POLD3: variants seen among roughly 807,000 people sequenced by gnomAD.
POLD3 encodes the protein DNA polymerase delta subunit 3.
A neutral mutation model predicts 58.2 loss-of-function variants in POLD3; 19 were observed. The observed-to-expected ratio is 0.33, with a 90% CI of 0.23 to 0.48. POLD3 has a LOEUF of 0.48. Ranked by LOEUF, POLD3 falls within the 20% of genes least tolerant of loss-of-function variation. The pLI, the probability that POLD3 is intolerant of heterozygous loss-of-function variation, is 0.99. For synonymous variants in POLD3, 172 were observed against 193.5 expected, an observed-to-expected ratio of 0.89 and a Z score of 0.92; for missense variants, 504 against 545.5, an observed-to-expected ratio of 0.92 and a Z score of 0.76.
chr11:74,642,213 T>G lies in POLD3; in HGVS notation c.*1447T>G, dbSNP rs2032931558. 1 of 985,456 alleles carries G rather than the reference T, an allele frequency of 1.0e-6. No homozygotes were observed. The allele number at this position is 985,456 out of a possible 1,614,324, so 61.0% of individuals were successfully genotyped here. A position where few individuals can be genotyped will look rare whatever the true frequency, so the allele number is the denominator to read the frequency against. ...TTTAGCAACCAAGCATGAACTTGAT[T>G]AAGACCAGAAGTTTGGGAGATGAGT... On this transcript the variant is annotated 3_prime_UTR_variant, in exon 12 of 12. Coordinates refer to ENST00000263681, the MANE Select transcript of POLD3 (RefSeq NM_006591.3).
chr11:74,667,543 ATTTT>A (rs1565137668), intron 4 of POLD3, among the ~76,000 whole-genome samples: 12 of 152,104 alleles, frequency 7.9e-5, no homozygotes, highest in African/African-American at 2.7e-4. Context: ...AAAAAGGTAA[ATTTT>A]ATGTCATGAA....
At chr11:74,594,914 A>G (rs982435618) in intron 2 of POLD3, among the ~76,000 whole-genome samples, 3 of 152,164 alleles carry the variant, frequency 2.0e-5, no homozygotes, top group African/African-American at 7.2e-5. Context: ...AGTTATCTCC[A>G]CCTGGTCCGT....
At chr11:74,661,398 AGCTGTACTGCAT>A (rs2033204934) in intron 4 of POLD3, among the ~76,000 whole-genome samples, 1 of 152,086 alleles carries the variant, frequency 6.6e-6, no homozygotes, top group Admixed American at 6.5e-5. Context: ...TTGTAATCTG[AGCTGTACTGCAT>A]TAGGGGGAAC....
chr11:74,595,056 A>G (rs2031180797), intron 2 of POLD3: 4 of 152,350 alleles, frequency 2.6e-5, no homozygotes, highest in East Asian at 1.9e-4. Flanking sequence ...ACTATTTTTC[A>G]AAATGGCTGC....
At chr11:74,654,938 C>T (rs1041247215) in intron 4 of POLD3, among the ~76,000 whole-genome samples, 14 of 152,144 alleles carry the variant, frequency 9.2e-5, no homozygotes, top group African/African-American at 3.4e-4. Flanking sequence ...TAGTGAGCTT[C>T]GATAAGCTGC....
chr11:74,618,153 TC>T (rs1199861428), intron 5 of POLD3, among the ~76,000 whole-genome samples: 3 of 152,214 alleles, frequency 2.0e-5, no homozygotes, highest in Non-Finnish European at 4.4e-5. Context: ...CTATTTCATT[TC>T]CCAAGGATAA....
chr11:74,630,131 C>T (rs1591313103), intron 9 of POLD3, among the ~76,000 whole-genome samples: 1 of 151,844 alleles, frequency 6.6e-6, no homozygotes, highest in Admixed American at 6.6e-5. Context: ...GAGACAAACA[C>T]GAACAGATAC....
rs1015502445 is a variant in POLD3, at chr11:74,642,056, C to T, written c.*1290C>T. On this transcript the variant is annotated 3_prime_UTR_variant, in exon 12 of 12. Coordinates refer to ENST00000263681, the MANE Select transcript of POLD3 (RefSeq NM_006591.3). ...GGGTCAGGCTCAACTGCTGATGTGTCTCACACGTAGCAGACAAGGGGTGTC... is the reference window on the plus strand; with the variant it reads ...GGGTCAGGCTCAACTGCTGATGTGTTTCACACGTAGCAGACAAGGGGTGTC... 101 of 985,412 alleles carry T rather than the reference C, an allele frequency of 1.0e-4. No individual in the cohort carries two copies. The highest frequency in any genetic ancestry group is 1.2e-4 in the Non-Finnish European group (96 of 829,926). 61.0% of individuals were successfully genotyped at this position (985,412 alleles called of 1,614,324 possible).
intron 5 of POLD3, among the ~76,000 whole-genome samples, chr11:74,614,216 A>G (rs1235528221): frequency 6.6e-6 from 1 of 152,194 alleles, no homozygotes; most frequent in East Asian, 1.9e-4. Context: ...AAGCAGATGG[A>G]GTGAAATTAT....
Position 74,641,621 on chromosome 11 carries a change from A to C in POLD3, c.*855A>C. ...CCCACTCTCAATACCTAGAGAGTGAAACCCGTACAATGAGATAAAGACTAA... is the reference window on the plus strand; with the variant it reads ...CCCACTCTCAATACCTAGAGAGTGACACCCGTACAATGAGATAAAGACTAA... On this transcript the variant is annotated 3_prime_UTR_variant, in exon 12 of 12. Coordinates refer to ENST00000263681, the MANE Select transcript of POLD3 (RefSeq NM_006591.3). 2.0e-6 allele frequency: 2 copies of C among 985,326 alleles called. No homozygotes were observed. Among genetic ancestry groups the C allele is most frequent in the Non-Finnish European group, 2.4e-6 (2 of 829,888 alleles). The allele number at this position is 985,326 out of a possible 1,614,324, so 61.0% of individuals were successfully genotyped here.
intron 4 of POLD3, among the ~76,000 whole-genome samples, chr11:74,656,255 C>G (rs1565134587): frequency 6.6e-6 from 1 of 152,048 alleles, no homozygotes; most frequent in African/African-American, 2.4e-5. Flanking sequence ...TGCTGTATCC[C>G]ATAGGTTTTA....
chr11:74,625,669 C>T lies in POLD3; in HGVS notation c.899+96C>T, dbSNP rs796096599. ...ACAGCAGGCAGTTTTCAGTTAAGTACTAAATCCTACTTAATGCCTAAGGGA... is the reference window on the plus strand; with the variant it reads ...ACAGCAGGCAGTTTTCAGTTAAGTATTAAATCCTACTTAATGCCTAAGGGA... On this transcript the variant is annotated intron_variant, in intron 8 of 11. Coordinates refer to ENST00000263681, the MANE Select transcript of POLD3 (RefSeq NM_006591.3). 1.8e-5 allele frequency: 17 copies of T among 936,422 alleles called. No homozygotes were observed. In the African/African-American group the frequency reaches 2.8e-4, roughly 16 times the overall value. The allele number at this position is 936,422 out of a possible 1,614,324, so 58.0% of individuals were successfully genotyped here. A position where few individuals can be genotyped will look rare whatever the true frequency, so the allele number is the denominator to read the frequency against.
intron 11 of POLD3, 137 bp from the exon 12 acceptor site, chr11:74,640,427 G>A: frequency 9.8e-7 from 1 of 1,018,810 alleles, no homozygotes. Flanking sequence ...CTCCCAGTGG[G>A]AGAAAGATTG....
chr11:74,659,558 T>G (rs2033179969), intron 4 of POLD3, among the ~76,000 whole-genome samples: 1 of 152,200 alleles, frequency 6.6e-6, no homozygotes, highest in East Asian at 1.9e-4. Context: ...ACTGAATGCT[T>G]TTAACAGCAC....
chr11:74,607,546 G>A (rs1203336367), intron 3 of POLD3, among the ~76,000 whole-genome samples: 4 of 151,674 alleles, frequency 2.6e-5, no homozygotes, highest in Non-Finnish European at 5.9e-5. Flanking sequence ...GATTACAGGC[G>A]TGAGCCACCG....
At chr11:74,618,223 A>T (rs1182094557) in intron 5 of POLD3, among the ~76,000 whole-genome samples, 5 of 49,868 alleles carry the variant, frequency 1.0e-4, no homozygotes, top group Admixed American at 9.9e-4. Flanking sequence ...GAATTAGAAT[A>T]CTTTTATCAA....
intron 4 of POLD3, among the ~76,000 whole-genome samples, chr11:74,666,421 G>A (rs1244936974): frequency 1.3e-5 from 2 of 152,130 alleles, no homozygotes. Flanking sequence ...AGGAGTTCGA[G>A]ACCAGCCTGG....
intron 2 of POLD3, among the ~76,000 whole-genome samples, chr11:74,594,932 A>G (rs909655467): frequency 1.3e-5 from 2 of 152,212 alleles, no homozygotes; most frequent in Admixed American, 6.5e-5. Context: ...CGTCTTTGAC[A>G]TGTGGGGATT....
Position 74,650,455 on chromosome 11 carries a change from G to A in POLD3, c.369+14180G>A, listed in dbSNP as rs964434231. On this transcript the variant is annotated intron_variant, in intron 4 of 4. Coordinates refer to the POLD3 transcript ENST00000524752. The stretch of plus-strand genomic sequence containing the variant: ...TTCAACCATATTTCTACTTGAAGTC[G>A]TTTAGAGGAAAGCCAAAGGTCTGAG... Among the ~76,000 whole-genome samples the A allele has an allele frequency of 3.9e-5, 6 of 152,174 alleles. 1 individual carries two copies. Among genetic ancestry groups the A allele is most frequent in the Admixed American group, 3.3e-4 (5 of 15,276 alleles).
Sources: allele counts gnomAD v4.1 joint callset (sites outside exome capture counted in the v4.1 genomes callset), GRCh38; gene constraint gnomAD v4.1.1; transcripts MANE v1.5; gene names NCBI Gene and HGNC (gene_info 2026-07-23, HGNC 2026-07-21).